GNAO1: variants seen among roughly 807,000 people sequenced by gnomAD.
GNAO1 encodes guanine nucleotide-binding protein G(o) subunit alpha.
For missense variants in GNAO1, 166 were observed against 478.7 expected (o/e 0.35, Z 6.10); for synonymous variants, 164 against 180.7 (o/e 0.91, Z 0.74).
chr16:56,258,444 C>T (rs1266171792), intron 2 of GNAO1, among the ~76,000 whole-genome samples: 1 of 152,178 alleles, frequency 6.6e-6, no homozygotes, highest in Non-Finnish European at 1.5e-5. Context: ...TGTTCAGTAA[C>T]ACGTGAAATG....
intron 2 of GNAO1, among the ~76,000 whole-genome samples, chr16:56,213,667 A>G (rs1315896131): frequency 6.6e-6 from 1 of 152,168 alleles, no homozygotes; most frequent in Non-Finnish European, 1.5e-5. Context: ...AGGGAGGGCC[A>G]TACTAGAAGA....
chr16:56,315,916 G>A (rs1335629706), intron 3 of GNAO1, among the ~76,000 whole-genome samples: 2 of 151,982 alleles, frequency 1.3e-5, no homozygotes, highest in Non-Finnish European at 2.9e-5. Context: ...AAAATTAGCC[G>A]GGCATGGTGG....
intron 3 of GNAO1, among the ~76,000 whole-genome samples, chr16:56,306,084 T>C (rs952474268): frequency 6.6e-6 from 1 of 152,184 alleles, no homozygotes; most frequent in Non-Finnish European, 1.5e-5. Context: ...TCAGCATATT[T>C]TGAATGCTGC....
At chr16:56,270,447 TA>T (rs1469976515) in intron 2 of GNAO1, 1 of 148,392 alleles carries the variant, frequency 6.7e-6, no homozygotes, top group Non-Finnish European at 1.5e-5. Flanking sequence ...CACACACACA[TA>T]ACACACACAG....
At chr16:56,344,146 G>A (rs1245143575) in intron 6 of GNAO1, 34 of 1,437,924 alleles carry the variant, frequency 2.4e-5, no homozygotes, top group African/African-American at 1.6e-4. Context: ...GGGGCGGGGC[G>A]GGGCTGCTGA....
At chr16:56,272,043 A>T (rs1463259606) in intron 2 of GNAO1, among the ~76,000 whole-genome samples, 2 of 152,364 alleles carry the variant, frequency 1.3e-5, no homozygotes, top group Middle Eastern at 3.4e-3. Context: ...TGTGGCATTT[A>T]AAAAAGCCAG....
Position 56,319,398 on chromosome 16 carries a change from G to C in GNAO1, c.304-9233G>C, listed in dbSNP as rs2037548619. ...TGCTATGACAGGAGAAGCTGGTGCA[G>C]GGGGACTGTCTGTGTCCTGGTGGGT... On this transcript the variant is annotated intron_variant, in intron 3 of 8. Coordinates refer to ENST00000262493, the MANE Select transcript of GNAO1 (RefSeq NM_020988.3). 2.0e-5 allele frequency among the ~76,000 whole-genome samples: 3 copies of C among 152,182 alleles called. No individual in the cohort carries two copies. In the South Asian group the frequency reaches 6.2e-4, roughly 32 times the overall value.
intron 8 of GNAO1, chr16:56,355,287 AC>A: frequency 6.1e-6 from 1 of 163,752 alleles, no homozygotes; most frequent in Non-Finnish European, 1.3e-5. Context: ...GACAGAACTG[AC>A]CACCATCCCA....
At chr16:56,274,167 C>T (rs539447703) in intron 2 of GNAO1, among the ~76,000 whole-genome samples, 15 of 152,328 alleles carry the variant, frequency 9.8e-5, no homozygotes, top group Middle Eastern at 3.4e-3. Flanking sequence ...TAAAGGCGGA[C>T]GCCCAGGCCA....
chr16:56,347,305 G>A, intron 6 of GNAO1: 1 of 985,488 alleles, frequency 1.0e-6, no homozygotes, highest in Non-Finnish European at 1.2e-6. Flanking sequence ...GAGATTCAGT[G>A]TGCAGTGCCG....
intron 2 of GNAO1, among the ~76,000 whole-genome samples, chr16:56,253,805 C>G (rs1406491646): frequency 4.6e-5 from 7 of 152,276 alleles, no homozygotes; most frequent in African/African-American, 1.7e-4. Context: ...AGGGGCCAGA[C>G]CTGGGCCCTG....
intron 2 of GNAO1, among the ~76,000 whole-genome samples, chr16:56,261,375 G>T (rs1342153381): frequency 6.6e-6 from 1 of 152,196 alleles, no homozygotes; most frequent in East Asian, 1.9e-4. Flanking sequence ...AAAGGCACGT[G>T]TGCCAAGCAG....
chr16:56,281,837 G>C (rs553630526), intron 3 of GNAO1, among the ~76,000 whole-genome samples: 9 of 152,142 alleles, frequency 5.9e-5, no homozygotes, highest in Middle Eastern at 3.2e-3. Context: ...CTGGACCAGT[G>C]GGGGGGATGG....
At chr16:56,257,989 G>A (rs1466513514) in intron 2 of GNAO1, among the ~76,000 whole-genome samples, 5 of 152,190 alleles carry the variant, frequency 3.3e-5, no homozygotes, top group Non-Finnish European at 7.3e-5. Flanking sequence ...GTCCTTTTGT[G>A]ACAATTCTTC....
At chr16:56,305,815 A>G (rs1361290185) in intron 3 of GNAO1, among the ~76,000 whole-genome samples, 1 of 152,120 alleles carries the variant, frequency 6.6e-6, no homozygotes, top group Non-Finnish European at 1.5e-5. Context: ...TGGCTTGTAG[A>G]TGGCTGTTTT....
At chr16:56,292,227 A>G (rs548685136) in intron 3 of GNAO1, among the ~76,000 whole-genome samples, 3 of 152,332 alleles carry the variant, frequency 2.0e-5, no homozygotes, top group East Asian at 1.9e-4. Context: ...GGAGGAGCCT[A>G]CAATTCACTG....
intron 3 of GNAO1, among the ~76,000 whole-genome samples, chr16:56,309,419 G>T (rs1391719941): frequency 1.3e-5 from 2 of 152,168 alleles, no homozygotes; most frequent in Non-Finnish European, 2.9e-5. Context: ...ACGTGTGGGT[G>T]CCCCTTCCCT....
At chr16:56,239,707 T>G (rs2036675640) in intron 2 of GNAO1, among the ~76,000 whole-genome samples, 1 of 152,228 alleles carries the variant, frequency 6.6e-6, no homozygotes, top group African/African-American at 2.4e-5. Context: ...TCAGAGCAGA[T>G]TGACAAATAT....
At chr16:56,325,491 A>G (rs1016732952) in intron 3 of GNAO1, among the ~76,000 whole-genome samples, 3 of 152,192 alleles carry the variant, frequency 2.0e-5, no homozygotes, top group Non-Finnish European at 4.4e-5. Context: ...TAATAATAAT[A>G]ATAATAATGC....
Sources: allele counts gnomAD v4.1 joint callset (sites outside exome capture counted in the v4.1 genomes callset), GRCh38; gene constraint gnomAD v4.1.1; transcripts MANE v1.5; gene names NCBI Gene and HGNC (gene_info 2026-07-23, HGNC 2026-07-21).